HPSE2: variants seen among roughly 807,000 people sequenced by gnomAD.
HPSE2 encodes the protein heparanase 2 (inactive).
HPSE2 carries 38 observed loss-of-function variants against 60.5 expected under a neutral mutation model. The observed-to-expected ratio is 0.63, with a 90% CI of 0.48 to 0.82. HPSE2 has a LOEUF of 0.82. HPSE2 is among the 40% of genes least tolerant of loss of function. The probability of loss-of-function intolerance (pLI) is 0.00; values close to 1 mark genes in which losing one functional copy is unlikely to be tolerated. For synonymous variants in HPSE2, 295 were observed against 293.2 expected, an observed-to-expected ratio of 1.01 and a Z score of -0.06; for missense variants, 713 against 740.4, an observed-to-expected ratio of 0.96 and a Z score of 0.43.
At chr10:99,049,937 GA>G (rs1957950752) in intron 3 of HPSE2, among the ~76,000 whole-genome samples, 1 of 152,124 alleles carries the variant, frequency 6.6e-6, no homozygotes, top group African/African-American at 2.4e-5. Context: ...CAGAGGAACT[GA>G]ACAGACATTT....
intron 3 of HPSE2, among the ~76,000 whole-genome samples, chr10:98,847,666 C>G (rs1307642063): frequency 6.6e-6 from 1 of 152,198 alleles, no homozygotes; most frequent in Non-Finnish European, 1.5e-5. Context: ...ATACATGCAG[C>G]AGTTATTTGC....
At chr10:98,683,936 T>C (rs992539486) in intron 6 of HPSE2, among the ~76,000 whole-genome samples, 14 of 151,886 alleles carry the variant, frequency 9.2e-5, no homozygotes, top group Non-Finnish European at 1.5e-4. Flanking sequence ...AAGAAAAGGA[T>C]TGGAAATTTT....
intron 6 of HPSE2, among the ~76,000 whole-genome samples, chr10:98,673,773 G>T (rs187077939): frequency 4.1e-4 from 62 of 152,132 alleles, no homozygotes; most frequent in African/African-American, 1.4e-3. Flanking sequence ...AGGTGCAGGG[G>T]AAAAAGCATG....
chr10:98,503,972 G>A (rs969243182), intron 9 of HPSE2, among the ~76,000 whole-genome samples: 6 of 152,122 alleles, frequency 3.9e-5, no homozygotes, highest in African/African-American at 1.2e-4. Flanking sequence ...ACTTACTCAT[G>A]TAACCAAATA....
chr10:98,997,656 GA>G (rs1956680322), intron 3 of HPSE2, among the ~76,000 whole-genome samples: 1 of 152,130 alleles, frequency 6.6e-6, no homozygotes, highest in Non-Finnish European at 1.5e-5. Flanking sequence ...TTATCTGAAG[GA>G]ATCCTAAGTG....
intron 9 of HPSE2, among the ~76,000 whole-genome samples, chr10:98,566,784 A>C (rs1362996001): frequency 6.6e-6 from 1 of 152,194 alleles, no homozygotes; most frequent in Non-Finnish European, 1.5e-5. Context: ...GGGACACAGA[A>C]GGGTTTGAGT....
At chr10:98,650,291 T>G (rs1946881916) in intron 6 of HPSE2, among the ~76,000 whole-genome samples, 1 of 152,220 alleles carries the variant, frequency 6.6e-6, no homozygotes, top group Non-Finnish European at 1.5e-5. Flanking sequence ...CCAAGGTACA[T>G]CAGCATTGGA....
intron 2 of HPSE2, among the ~76,000 whole-genome samples, chr10:99,220,501 A>G (rs1041528535): frequency 5.3e-5 from 8 of 152,126 alleles, no homozygotes; most frequent in Non-Finnish European, 1.0e-4. Context: ...GGTTATACCT[A>G]TGGAGTAGAA....
rs1347893142 is a variant in HPSE2 at position 99,209,526 on chromosome 10, G to GA, written c.448+22821dup. On this transcript the variant is annotated intron_variant, in intron 2 of 11. Coordinates refer to ENST00000370552, the MANE Select transcript of HPSE2 (RefSeq NM_021828.5). ...TTTATAGCAATAAATGCTTACAGGG[G>GA]AAAAAAAAGATTTTAAATAACCTAA... Among the ~76,000 whole-genome samples, 12 of 151,016 alleles carry GA rather than the reference G, an allele frequency of 7.9e-5. No individual in the cohort carries two copies. The East Asian group carries it at 1.4e-3, about 17-fold the overall frequency.
intron 3 of HPSE2, among the ~76,000 whole-genome samples, chr10:98,932,032 T>C (rs1448419838): frequency 7.0e-6 from 1 of 143,864 alleles, no homozygotes. Context: ...AGAGAGGGCA[T>C]CCTTGTCTTG....
chr10:98,624,611 A>T (rs187960806), intron 7 of HPSE2, among the ~76,000 whole-genome samples: 145 of 152,316 alleles, frequency 9.5e-4, no homozygotes, highest in African/African-American at 2.6e-3. Context: ...ACATAATGAA[A>T]CTGTATCATG....
chr10:98,755,960 C>T (rs1045975771), intron 3 of HPSE2, among the ~76,000 whole-genome samples: 4 of 152,130 alleles, frequency 2.6e-5, no homozygotes, highest in African/African-American at 9.7e-5. Flanking sequence ...GGTGCCACTG[C>T]ACCCCAGCCT....
At chr10:98,625,749 A>C (rs932432235) in intron 7 of HPSE2, among the ~76,000 whole-genome samples, 1 of 152,206 alleles carries the variant, frequency 6.6e-6, no homozygotes, top group Non-Finnish European at 1.5e-5. Flanking sequence ...TTTCTAAATA[A>C]AGACCCCAAA....
At chr10:99,175,421 T>C (rs1344435181) in intron 2 of HPSE2, among the ~76,000 whole-genome samples, 1 of 152,168 alleles carries the variant, frequency 6.6e-6, no homozygotes, top group Non-Finnish European at 1.5e-5. Flanking sequence ...CCTGGGAAGC[T>C]CGACCTTGTT....
chr10:98,650,338 GC>G (rs1354222027), intron 6 of HPSE2, among the ~76,000 whole-genome samples: 1 of 152,162 alleles, frequency 6.6e-6, no homozygotes, highest in Non-Finnish European at 1.5e-5. Context: ...CTATTGCCAG[GC>G]CACTGAAATG....
intron 3 of HPSE2, among the ~76,000 whole-genome samples, chr10:99,037,922 A>C (rs1266858060): frequency 6.6e-6 from 1 of 152,188 alleles, no homozygotes; most frequent in Non-Finnish European, 1.5e-5. Context: ...ACAGACGACA[A>C]ATAAGCACAT....
chr10:98,534,736 G>A (rs1224221313), intron 9 of HPSE2, among the ~76,000 whole-genome samples: 1 of 152,182 alleles, frequency 6.6e-6, no homozygotes, highest in Non-Finnish European at 1.5e-5. Flanking sequence ...AATAACTTTT[G>A]TCTATTTTGA....
chr10:98,830,507 A>T (rs1951659319), intron 3 of HPSE2, among the ~76,000 whole-genome samples: 1 of 152,158 alleles, frequency 6.6e-6, no homozygotes, highest in Non-Finnish European at 1.5e-5. Flanking sequence ...CAATAACAGA[A>T]CACTGGGCCT....
chr10:98,736,213 GT>G (rs71938270), intron 4 of HPSE2, among the ~76,000 whole-genome samples: 144 of 149,430 alleles, frequency 9.6e-4, no homozygotes, highest in African/African-American at 3.2e-3. Context: ...CTTTTGCTTG[GT>G]TTTTTTTTTT....
Sources: allele counts gnomAD v4.1 joint callset (sites outside exome capture counted in the v4.1 genomes callset), GRCh38; gene constraint gnomAD v4.1.1; transcripts MANE v1.5; gene names NCBI Gene and HGNC (gene_info 2026-07-23, HGNC 2026-07-21).